STX8: variants seen among roughly 807,000 people sequenced by gnomAD.
STX8 encodes syntaxin 8.
A neutral mutation model predicts 37.5 loss-of-function variants in STX8; 23 were observed. That is an observed-to-expected ratio of 0.61 (90% CI 0.44 to 0.87). The LOEUF (loss-of-function observed/expected upper bound fraction) is 0.87. STX8 is among the 40% of genes least tolerant of loss of function. The probability of loss-of-function intolerance (pLI) is 0.00; values close to 1 mark genes in which losing one functional copy is unlikely to be tolerated. For missense variants in STX8, 313 were observed against 284.7 expected (o/e 1.10, Z -0.71); for synonymous variants, 115 against 99.1 (o/e 1.16, Z -0.95).
chr17:9,319,313 G>A (rs1909489606), intron 7 of STX8, among the ~76,000 whole-genome samples: 1 of 152,114 alleles, frequency 6.6e-6, no homozygotes, highest in African/African-American at 2.4e-5. Flanking sequence ...CAGCTACTCA[G>A]GAGGCTGAGG....
chr17:9,403,453 A>G (rs561939654), intron 6 of STX8, among the ~76,000 whole-genome samples: 1 of 152,290 alleles, frequency 6.6e-6, no homozygotes, highest in South Asian at 2.1e-4. Flanking sequence ...ATAAGTAGGA[A>G]ATGTGTGTGT....
At chr17:9,425,595 G>C (rs1450169831) in intron 6 of STX8, among the ~76,000 whole-genome samples, 1 of 152,100 alleles carries the variant, frequency 6.6e-6, no homozygotes, top group Non-Finnish European at 1.5e-5. Flanking sequence ...ATGGTGAAAA[G>C]CAAACCATGT....
intron 6 of STX8, among the ~76,000 whole-genome samples, chr17:9,388,053 T>C (rs548820180): frequency 7.2e-5 from 11 of 151,786 alleles, no homozygotes; most frequent in Non-Finnish European, 1.2e-4. Context: ...TATTAGTTGT[T>C]GTTTCTAAAC....
intron 7 of STX8, among the ~76,000 whole-genome samples, chr17:9,298,768 C>T (rs149017859): frequency 1.5e-3 from 221 of 152,250 alleles, no homozygotes; most frequent in Non-Finnish European, 2.6e-3. Flanking sequence ...GCCGAGATCA[C>T]GCCACTGCAC....
intron 7 of STX8, among the ~76,000 whole-genome samples, chr17:9,274,536 C>A (rs1463048453): frequency 6.6e-6 from 1 of 150,556 alleles, no homozygotes; most frequent in Non-Finnish European, 1.5e-5. Flanking sequence ...ATTAACCGGG[C>A]GTGTTGGTGG....
intron 7 of STX8, among the ~76,000 whole-genome samples, chr17:9,263,283 C>T (rs917268169): frequency 2.0e-5 from 3 of 152,062 alleles, no homozygotes; most frequent in African/African-American, 7.2e-5. Flanking sequence ...TCGAGACCAG[C>T]CTGACCAAAA....
At chr17:9,363,010 T>C (rs1388377841) in intron 7 of STX8, among the ~76,000 whole-genome samples, 1 of 152,150 alleles carries the variant, frequency 6.6e-6, no homozygotes, top group Admixed American at 6.5e-5. Flanking sequence ...CCACCCTGTA[T>C]GATAGGAGAG....
At chr17:9,462,459 C>T (rs911076174) in intron 6 of STX8, among the ~76,000 whole-genome samples, 3 of 152,118 alleles carry the variant, frequency 2.0e-5, no homozygotes, top group South Asian at 4.1e-4. Flanking sequence ...CAGTGGCTCA[C>T]GCTTGTAATC....
intron 5 of STX8, among the ~76,000 whole-genome samples, chr17:9,503,293 G>C (rs758217805): frequency 6.6e-6 from 1 of 152,060 alleles, no homozygotes; most frequent in Non-Finnish European, 1.5e-5. Context: ...AAGAAGTTCA[G>C]CAGTTGTCTG....
intron 7 of STX8, among the ~76,000 whole-genome samples, chr17:9,330,675 C>A (rs950015428): frequency 1.3e-5 from 2 of 152,304 alleles, no homozygotes; most frequent in Middle Eastern, 3.4e-3. Flanking sequence ...CAAGGGATGG[C>A]CCCTGGCAGA....
chr17:9,371,397 C>T (rs1911396213), intron 7 of STX8, among the ~76,000 whole-genome samples: 2 of 152,126 alleles, frequency 1.3e-5, no homozygotes, highest in South Asian at 2.1e-4. Flanking sequence ...AATTCCCACC[C>T]CCTATAGTTA....
chr17:9,442,042 A>G (rs1203288677), intron 6 of STX8, among the ~76,000 whole-genome samples: 1 of 152,112 alleles, frequency 6.6e-6, no homozygotes, highest in Non-Finnish European at 1.5e-5. Context: ...TGAGCTCCAG[A>G]TTCAAAAGCA....
At chr17:9,495,234 G>T (rs1276533490) in intron 5 of STX8, among the ~76,000 whole-genome samples, 1 of 151,992 alleles carries the variant, frequency 6.6e-6, no homozygotes, top group South Asian at 2.1e-4. Context: ...CATTCACAAG[G>T]ACCATTTTAT....
chr17:9,256,104 C>T (rs1906786979), intron 7 of STX8, among the ~76,000 whole-genome samples: 1 of 152,208 alleles, frequency 6.6e-6, no homozygotes, highest in Non-Finnish European at 1.5e-5. Context: ...TTTAATTCTG[C>T]ACAGTAAGTA....
chr17:9,418,516 TAA>T (rs71361891), intron 6 of STX8, among the ~76,000 whole-genome samples: 23 of 114,954 alleles, frequency 2.0e-4, no homozygotes, highest in East Asian at 4.5e-4. Flanking sequence ...TCCGTTTTTC[TAA>T]AAAAAAAAAA....
chr17:9,274,768 T>TTTTTTTTTG (rs1411650172), intron 7 of STX8, among the ~76,000 whole-genome samples: 1 of 140,160 alleles, frequency 7.1e-6, no homozygotes, highest in Non-Finnish European at 1.6e-5. Context: ...TTTTTTTTTT[T>TTTTTTTTTG]TGAGACGGAG....
At chr17:9,394,580 G>A (rs549618900) in intron 6 of STX8, among the ~76,000 whole-genome samples, 10 of 151,264 alleles carry the variant, frequency 6.6e-5, no homozygotes, top group South Asian at 2.1e-4. Flanking sequence ...GGCCATACTC[G>A]TCTTGAACTC....
chr17:9,452,851 T>C (rs761919930), intron 6 of STX8, among the ~76,000 whole-genome samples: 16 of 151,600 alleles, frequency 1.1e-4, no homozygotes, highest in Non-Finnish European at 2.2e-4. Flanking sequence ...CAGGCTGCAG[T>C]GCTATAGTGC....
intron 7 of STX8, among the ~76,000 whole-genome samples, chr17:9,337,609 T>C (rs922403807): frequency 9.2e-5 from 14 of 152,162 alleles, no homozygotes; most frequent in African/African-American, 2.9e-4. Context: ...TCAGGTGATC[T>C]GCCCGCCTTG....
Sources: gnomAD v4.1 joint callset for allele counts (sites outside exome capture counted in the v4.1 genomes callset) on GRCh38, gnomAD v4.1.1 for gene constraint, MANE v1.5 for transcripts, NCBI Gene and HGNC (gene_info 2026-07-23, HGNC 2026-07-21) for gene names.